Variants in PKHD1 observed in about 807,000 individuals in gnomAD.
PKHD1 encodes the protein fibrocystin.
PKHD1 carries 291 observed loss-of-function variants against 412.0 expected under a neutral mutation model. The observed-to-expected ratio is 0.71, with a 90% CI of 0.64 to 0.78. PKHD1 has a LOEUF of 0.78. PKHD1 is among the 30% of genes least tolerant of loss of function. The pLI is 0.00. For synonymous variants in PKHD1, 1,777 were observed against 1,821.5 expected, an observed-to-expected ratio of 0.98 and a Z score of 0.62; for missense variants, 4,825 against 4,950.7, an observed-to-expected ratio of 0.97 and a Z score of 0.76.
chr6:51,643,936 A>C (rs1263600763), intron 63 of PKHD1, among the ~76,000 whole-genome samples: 4 of 152,010 alleles, frequency 2.6e-5, no homozygotes, highest in African/African-American at 9.7e-5. Flanking sequence ...TGTCTTAATA[A>C]GTAATTAGAT....
chr6:51,989,941 A>AGGG (rs1266599996), intron 35 of PKHD1, among the ~76,000 whole-genome samples: 7 of 90,456 alleles, frequency 7.7e-5, no homozygotes, highest in Admixed American at 1.1e-4. Context: ...GGAAAGAAGG[A>AGGG]AGGAAGAAAG....
intron 60 of PKHD1, among the ~76,000 whole-genome samples, chr6:51,728,219 G>A (rs1782817579): frequency 6.6e-6 from 1 of 152,170 alleles, no homozygotes; most frequent in Non-Finnish European, 1.5e-5. Context: ...CCCAGATGAT[G>A]AGTGACTACA....
rs550426473 is a variant in PKHD1 at position 51,803,112 on chromosome 6, C to A, written c.8303-11739G>T. ...CCAAAATTTATATTTTCTGAGCAAA[C>A]CAATCTATATGTTGTGCTCCTAAAT... On this transcript the variant is annotated intron_variant, in intron 52 of 66. Transcript: ENST00000371117. 5.3e-5 allele frequency among the ~76,000 whole-genome samples: 8 copies of A among 151,192 alleles called. No homozygotes were observed. The South Asian group carries it at 8.3e-4, about 16-fold the overall frequency.
intron 55 of PKHD1, among the ~76,000 whole-genome samples, chr6:51,764,775 A>G (rs895103286): frequency 3.3e-5 from 5 of 151,960 alleles, no homozygotes; most frequent in Non-Finnish European, 5.9e-5. Flanking sequence ...CCTACTCTCC[A>G]CATCAACCAT....
intron 60 of PKHD1, among the ~76,000 whole-genome samples, chr6:51,734,123 T>A (rs1420958134): frequency 6.6e-6 from 1 of 152,208 alleles, no homozygotes; most frequent in Non-Finnish European, 1.5e-5. Context: ...GAACAGGTAT[T>A]CTCTAGTCAA....
chr6:51,800,754 T>G (rs1762785803), intron 52 of PKHD1, among the ~76,000 whole-genome samples: 1 of 152,214 alleles, frequency 6.6e-6, no homozygotes, highest in African/African-American at 2.4e-5. Context: ...TTGTATGGTA[T>G]GCACTGTATC....
intron 60 of PKHD1, among the ~76,000 whole-genome samples, chr6:51,743,265 G>T (rs1209388236): frequency 6.6e-6 from 1 of 152,146 alleles, no homozygotes; most frequent in Non-Finnish European, 1.5e-5. Context: ...TAAAGGGAAT[G>T]GTGAGGGTGG....
intron 35 of PKHD1, among the ~76,000 whole-genome samples, chr6:51,962,319 T>C (rs760391391): frequency 5.9e-5 from 9 of 152,124 alleles, no homozygotes; most frequent in Non-Finnish European, 1.0e-4. Flanking sequence ...GTTAGATATT[T>C]AAGTGGGTCA....
At chr6:51,840,285 G>C (rs1769947536) in intron 50 of PKHD1, among the ~76,000 whole-genome samples, 1 of 152,006 alleles carries the variant, frequency 6.6e-6, no homozygotes, top group Non-Finnish European at 1.5e-5. Flanking sequence ...AAGGCATCTT[G>C]GCCCTCATAA....
intron 5 of PKHD1, among the ~76,000 whole-genome samples, chr6:52,078,737 C>G (rs765498082): frequency 5.3e-5 from 8 of 152,184 alleles, no homozygotes; most frequent in Non-Finnish European, 1.2e-4. Context: ...AAACTACCAT[C>G]TGGGGTGAAA....
chr6:51,961,824 A>C (rs1792085813), intron 35 of PKHD1, among the ~76,000 whole-genome samples: 1 of 152,096 alleles, frequency 6.6e-6, no homozygotes, highest in East Asian at 1.9e-4. Flanking sequence ...CCAGAGATGG[A>C]AAGGACTCTA....
chr6:52,048,906 A>T (rs371285318), intron 22 of PKHD1, among the ~76,000 whole-genome samples: 1 of 152,182 alleles, frequency 6.6e-6, no homozygotes, highest in Non-Finnish European at 1.5e-5. Context: ...CTTCATTTTC[A>T]ATGGATGGTT....
intron 63 of PKHD1, among the ~76,000 whole-genome samples, chr6:51,647,157 G>A (rs968514407): frequency 3.9e-5 from 6 of 152,082 alleles, no homozygotes; most frequent in African/African-American, 1.2e-4. Flanking sequence ...TGTACTGTTT[G>A]ACAACATAAA....
intron 53 of PKHD1, among the ~76,000 whole-genome samples, chr6:51,778,108 C>T (rs1303882752): frequency 3.0e-5 from 3 of 101,346 alleles, no homozygotes; most frequent in Non-Finnish European, 7.0e-5. Flanking sequence ...CTGAGATCCT[C>T]ATTTTCTTCT....
intron 53 of PKHD1, among the ~76,000 whole-genome samples, chr6:51,786,025 A>C (rs1238715122): frequency 6.6e-6 from 1 of 152,200 alleles, no homozygotes; most frequent in Non-Finnish European, 1.5e-5. Flanking sequence ...ATTTTAATAA[A>C]CATTAACTAA....
intron 36 of PKHD1, among the ~76,000 whole-genome samples, chr6:51,957,808 G>T (rs891915830): frequency 6.6e-6 from 1 of 151,802 alleles, no homozygotes; most frequent in Non-Finnish European, 1.5e-5. Flanking sequence ...CCTCCTCTCC[G>T]CTCTCCAACT....
chr6:51,865,952 G>A (rs1775001848), intron 48 of PKHD1, among the ~76,000 whole-genome samples: 1 of 152,136 alleles, frequency 6.6e-6, no homozygotes, highest in Non-Finnish European at 1.5e-5. Flanking sequence ...TTAGAGGAGT[G>A]CCTCTCAGAC....
At chr6:51,836,545 G>C (rs1194559779) in intron 50 of PKHD1, 76 bp from the exon 51 acceptor site, 1 of 1,068,972 alleles carries the variant, frequency 9.4e-7, no homozygotes, top group African/African-American at 1.6e-5. Context: ...CGTGAGAAAA[G>C]AAGAATTTAT....
intron 35 of PKHD1, among the ~76,000 whole-genome samples, chr6:51,984,803 GA>G (rs1796009446): frequency 6.6e-6 from 1 of 152,232 alleles, no homozygotes; most frequent in African/African-American, 2.4e-5. Context: ...AGGAAGTTCA[GA>G]ATCTGCGAAC....
Sources: allele counts gnomAD v4.1 joint callset (sites outside exome capture counted in the v4.1 genomes callset), GRCh38; gene constraint gnomAD v4.1.1; transcripts MANE v1.5; gene names NCBI Gene and HGNC (gene_info 2026-07-23, HGNC 2026-07-21).